MORC1: variants seen among roughly 807,000 people sequenced by gnomAD.
MORC1 encodes MORC family CW-type zinc finger 1.
A neutral mutation model predicts 134.9 loss-of-function variants in MORC1; 59 were observed. The ratio of observed to expected loss-of-function variants is 0.44; its 90% confidence interval spans 0.35 to 0.54. The LOEUF (loss-of-function observed/expected upper bound fraction) is 0.54, where lower values mean the gene tolerates loss of function less well. Ranked by LOEUF, MORC1 falls within the 20% of genes least tolerant of loss-of-function variation. MORC1 has a pLI of 0.00. For synonymous variants in MORC1, 395 were observed against 391.7 expected (o/e 1.01, Z -0.10); for missense variants, 947 against 1,134.5 (o/e 0.83, Z 2.37).
chr3:108,969,570 G>T (rs956404581), intron 26 of MORC1, 99 bp downstream of exon 26: 6 of 1,220,760 alleles, frequency 4.9e-6, no homozygotes, highest in Middle Eastern at 1.9e-4. Context: ...ATGCAAATTT[G>T]ATTTCCTTTC....
intron 7 of MORC1, among the ~76,000 whole-genome samples, chr3:109,094,484 GA>G (rs1268591618): frequency 1.3e-5 from 2 of 152,194 alleles, no homozygotes; most frequent in African/African-American, 4.8e-5. Flanking sequence ...ATCTGGAGAA[GA>G]ATGTCTGCAA....
intron 8 of MORC1, among the ~76,000 whole-genome samples, chr3:109,074,656 T>A (rs1950383254): frequency 6.6e-6 from 1 of 152,226 alleles, no homozygotes; most frequent in South Asian, 2.1e-4. Context: ...AAAGCATTTG[T>A]CATGTCCTTA....
chr3:108,979,572 G>A lies in MORC1; in HGVS notation c.2420C>T (p.Ala807Val), dbSNP rs777848808. Residue 807 changes from alanine to valine, a missense_variant, in exon 24 of 28, where the codon GCG becomes GTG. Coordinates refer to ENST00000232603, the MANE Select transcript of MORC1 (RefSeq NM_014429.4). ...CTTGACAGGTGTGCTTTGAGAAGAC[G>A]CTGGCGAAGAAGCAACTTTACAACT... ...SGSCKVASSP[A>V]SSQSTPVKET... The A allele has an allele frequency of 1.5e-5, 25 of 1,613,966 alleles. No homozygotes were observed. The highest frequency in any genetic ancestry group is 1.6e-4 in the Middle Eastern group (1 of 6,084).
intron 17 of MORC1, 89 bp downstream of exon 17, chr3:109,027,662 T>C (rs537078848): frequency 2.0e-6 from 3 of 1,488,226 alleles, no homozygotes; most frequent in Admixed American, 1.8e-5. Flanking sequence ...ACACATTTTA[T>C]TGTGTAAACC....
chr3:109,101,070 A>G lies in MORC1; in HGVS notation c.224-563T>C, dbSNP rs886878212. 2.0e-5 allele frequency among the ~76,000 whole-genome samples: 3 copies of G among 152,292 alleles called. No homozygotes were observed. In the South Asian group the frequency reaches 6.2e-4, roughly 32 times the overall value. ...GCCTTAGGTAGAGTTTAAAAGTCTG[A>G]GCCTTAATTTCCATGTGGTGTAAGA... On this transcript the variant is annotated intron_variant, in intron 4 of 27. Transcript: ENST00000232603.
intron 5 of MORC1, 78 bp downstream of exon 5, chr3:109,100,339 A>G (rs1950902743): frequency 8.9e-7 from 1 of 1,118,746 alleles, no homozygotes; most frequent in African/African-American, 1.5e-5. Flanking sequence ...ACATGCCTGC[A>G]TCATTCTGTG....
intron 26 of MORC1, among the ~76,000 whole-genome samples, chr3:108,965,249 C>G (rs982882054): frequency 2.0e-5 from 3 of 152,050 alleles, no homozygotes; most frequent in Non-Finnish European, 4.4e-5. Flanking sequence ...TAAACCAAAA[C>G]AAATCAAAGA....
intron 2 of MORC1, among the ~76,000 whole-genome samples, chr3:109,114,161 A>G (rs1264440042): frequency 1.3e-5 from 2 of 152,254 alleles, no homozygotes; most frequent in Non-Finnish European, 2.9e-5. Context: ...TATTAACATA[A>G]AAACAGACTT....
chr3:109,057,999 G>A (rs374731263), intron 12 of MORC1, among the ~76,000 whole-genome samples: 12 of 152,076 alleles, frequency 7.9e-5, no homozygotes, highest in African/African-American at 2.4e-4. Flanking sequence ...GTTTACAAGG[G>A]CAACAGAGAT....
intron 14 of MORC1, 25 bp from the exon 15 acceptor site, chr3:109,035,493 G>T (rs1359246630): frequency 1.5e-6 from 2 of 1,342,224 alleles, no homozygotes; most frequent in South Asian, 1.4e-5. Flanking sequence ...AGCAGGCAAA[G>T]AATAACAAAA....
In MORC1 at chr3:109,103,894, C is replaced by T. The variant is rs772809906; in HGVS notation, c.178G>A (p.Gly60Arg). 6.2e-7 allele frequency: 1 copy of T among 1,613,958 alleles called. No individual in the cohort carries two copies. The highest frequency in any genetic ancestry group is 1.1e-5 in the South Asian group (1 of 91,080). The change falls in exon 4 of 28, where the codon GGA (glycine) becomes AGA (arginine). Residue 60 changes from glycine (G) to arginine (R), a missense_variant. Physicochemically the swap from Gly to Arg is moderately radical, Grantham distance 125. Coordinates refer to ENST00000232603, the MANE Select transcript of MORC1 (RefSeq NM_014429.4). The part of the protein sequence containing the change: ...FSVDNEKLQG[G>R]FMLCFLDDGC... ...TCATCCAGGAAACACAACATGAATC[C>T]CCCCTGCAGTTTTTCATTATCCACT... is the stretch of plus-strand genomic sequence containing the variant.
chr3:109,031,367 G>A (rs553972300), intron 16 of MORC1, among the ~76,000 whole-genome samples: 1 of 152,264 alleles, frequency 6.6e-6, no homozygotes, highest in South Asian at 2.1e-4. Flanking sequence ...GTTAAAGGGA[G>A]GTTATGTAAT....
intron 17 of MORC1, among the ~76,000 whole-genome samples, chr3:109,013,793 G>GTAA (rs1193112603): frequency 1.3e-5 from 2 of 152,044 alleles, no homozygotes; most frequent in Non-Finnish European, 2.9e-5. Flanking sequence ...TGGGAGGTGG[G>GTAA]GCCTAAAGGG....
chr3:109,056,673 A>T (rs1949969804), intron 13 of MORC1, among the ~76,000 whole-genome samples: 1 of 152,200 alleles, frequency 6.6e-6, no homozygotes, highest in African/African-American at 2.4e-5. Context: ...CTGGCATACA[A>T]TGCTGCACTA....
chr3:108,984,296 A>C (rs1947834367), intron 23 of MORC1, among the ~76,000 whole-genome samples: 1 of 152,154 alleles, frequency 6.6e-6, no homozygotes, highest in South Asian at 2.1e-4. Flanking sequence ...TAAAAGTGAT[A>C]AAATTCTCAT....
intron 21 of MORC1, among the ~76,000 whole-genome samples, chr3:108,991,534 T>C (rs112406380): frequency 3.9e-5 from 6 of 152,332 alleles, no homozygotes; most frequent in African/African-American, 1.2e-4. Flanking sequence ...TTGATCTTCA[T>C]AGCCTTCTAT....
chr3:109,000,776 G>C, intron 20 of MORC1, 118 bp from the exon 21 acceptor site: 1 of 708,940 alleles, frequency 1.4e-6, no homozygotes, highest in Non-Finnish European at 2.3e-6. Context: ...AGGATATATA[G>C]CGAAAATTCA....
intron 21 of MORC1, among the ~76,000 whole-genome samples, chr3:108,993,338 A>G (rs1373017759): frequency 1.3e-5 from 2 of 152,174 alleles, no homozygotes; most frequent in Non-Finnish European, 2.9e-5. Context: ...TAGATTCCTT[A>G]TAAGTCATCC....
chr3:109,103,382 T>C (rs920734156), intron 4 of MORC1, among the ~76,000 whole-genome samples: 1 of 152,110 alleles, frequency 6.6e-6, no homozygotes, highest in Non-Finnish European at 1.5e-5. Flanking sequence ...TTGAAGCAAG[T>C]AAAGCTTTCA....
Sources: allele counts gnomAD v4.1 joint callset (sites outside exome capture counted in the v4.1 genomes callset), GRCh38; gene constraint gnomAD v4.1.1; transcripts MANE v1.5; gene names NCBI Gene and HGNC (gene_info 2026-07-23, HGNC 2026-07-21).